The following DPP10 variants were observed in gnomAD, a reference collection of about 807,000 sequenced individuals.
DPP10 encodes the protein dipeptidyl peptidase like 10.
Under a neutral mutation model 120.9 loss-of-function variants are expected in DPP10, and 33 were observed. That is an observed-to-expected ratio of 0.27 (90% CI 0.21 to 0.37). DPP10 has a LOEUF of 0.37. DPP10 is among the 10% of genes least tolerant of loss of function. DPP10 has a pLI of 1.00. For synonymous variants in DPP10, 337 were observed against 326.1 expected (o/e 1.03, Z -0.36); for missense variants, 816 against 942.8 (o/e 0.87, Z 1.76).
chr2:115,392,792 G>A (rs979465594), intron 3 of DPP10, among the ~76,000 whole-genome samples: 3 of 152,006 alleles, frequency 2.0e-5, no homozygotes, highest in African/African-American at 7.2e-5. Context: ...TATATTCATA[G>A]TCATCATTAA....
At chr2:115,659,479 G>T (rs1390715642) in intron 5 of DPP10, among the ~76,000 whole-genome samples, 1 of 151,962 alleles carries the variant, frequency 6.6e-6, no homozygotes, top group Non-Finnish European at 1.5e-5. Flanking sequence ...TAATATATAT[G>T]TGTAAAAAGC....
chr2:115,159,735 C>T (rs1488307382), intron 1 of DPP10, among the ~76,000 whole-genome samples: 3 of 152,140 alleles, frequency 2.0e-5, no homozygotes, highest in Non-Finnish European at 4.4e-5. Context: ...CGCACACATA[C>T]ACACACAGAC....
chr2:115,239,601 A>T (rs1260400281), intron 1 of DPP10, among the ~76,000 whole-genome samples: 1 of 152,152 alleles, frequency 6.6e-6, no homozygotes, highest in East Asian at 1.9e-4. Flanking sequence ...TATAATATAA[A>T]CATAACTTTT....
intron 1 of DPP10, among the ~76,000 whole-genome samples, chr2:115,070,778 A>G (rs1399044521): frequency 2.6e-5 from 4 of 152,210 alleles, no homozygotes; most frequent in African/African-American, 9.6e-5. Flanking sequence ...TATCATTTTA[A>G]TTCACAACAG....
intron 3 of DPP10, among the ~76,000 whole-genome samples, chr2:115,413,385 G>A (rs532243155): frequency 3.5e-4 from 53 of 152,222 alleles, no homozygotes; most frequent in Non-Finnish European, 6.0e-4. Flanking sequence ...ATGAAATTAA[G>A]GGAAGTGAAA....
intron 5 of DPP10, among the ~76,000 whole-genome samples, chr2:115,660,859 A>G (rs114887885): frequency 0.011 from 1,625 of 152,108 alleles, 35 homozygotes; most frequent in African/African-American, 0.038. Flanking sequence ...TTGGATCAAC[A>G]TGAGTTCTGG....
chr2:115,761,504 A>G (rs1680110616), intron 11 of DPP10, among the ~76,000 whole-genome samples: 1 of 152,166 alleles, frequency 6.6e-6, no homozygotes, highest in Non-Finnish European at 1.5e-5. Flanking sequence ...ACAAACAATA[A>G]CAAATGAAGT....
At chr2:115,336,337 G>A (rs1339370908) in intron 2 of DPP10, among the ~76,000 whole-genome samples, 1 of 151,902 alleles carries the variant, frequency 6.6e-6, no homozygotes, top group African/African-American at 2.4e-5. Context: ...TATTGTCAAA[G>A]CTGAACTTTT....
intron 1 of DPP10, among the ~76,000 whole-genome samples, chr2:114,532,256 C>CATATATATATATATATATATAT (rs66716319): frequency 4.6e-5 from 4 of 86,300 alleles, no homozygotes; most frequent in Admixed American, 1.3e-4. Context: ...AATAAATCTC[C>CATATATATATATATATATATAT]ATATATATAT....
At chr2:115,561,876 CT>C (rs2080706443) in intron 5 of DPP10, among the ~76,000 whole-genome samples, 1 of 152,162 alleles carries the variant, frequency 6.6e-6, no homozygotes, top group Non-Finnish European at 1.5e-5. Context: ...AAAACGAACA[CT>C]TCCATGGTGT....
At chr2:114,603,948 G>T (rs2105243274) in intron 1 of DPP10, among the ~76,000 whole-genome samples, 1 of 152,150 alleles carries the variant, frequency 6.6e-6, no homozygotes, top group East Asian at 1.9e-4. Flanking sequence ...AATATAGAAA[G>T]CAGAATTAAC....
intron 1 of DPP10, among the ~76,000 whole-genome samples, chr2:114,794,020 A>C (rs1172946031): frequency 6.6e-6 from 1 of 152,180 alleles, no homozygotes; most frequent in Non-Finnish European, 1.5e-5. Flanking sequence ...TAATTTTTTA[A>C]TGTATCCAAT....
chr2:114,954,733 G>C (rs55743008), intron 1 of DPP10, among the ~76,000 whole-genome samples: 1 of 151,922 alleles, frequency 6.6e-6, no homozygotes, highest in South Asian at 2.1e-4. Context: ...AAAAAATATA[G>C]AGAGAGAAAG....
intron 5 of DPP10, among the ~76,000 whole-genome samples, chr2:115,529,265 G>A (rs567401881): frequency 6.6e-6 from 1 of 151,966 alleles, no homozygotes; most frequent in African/African-American, 2.4e-5. Context: ...CACCTCCCAG[G>A]TTCAAGTGAT....
At chr2:114,959,586 A>G (rs1334438878) in intron 1 of DPP10, among the ~76,000 whole-genome samples, 1 of 152,194 alleles carries the variant, frequency 6.6e-6, no homozygotes, top group Non-Finnish European at 1.5e-5. Flanking sequence ...TTAAATATAT[A>G]CCTAGGAGTG....
chr2:114,700,965 A>C (rs1018067524), intron 1 of DPP10, among the ~76,000 whole-genome samples: 2 of 152,112 alleles, frequency 1.3e-5, no homozygotes, highest in African/African-American at 4.8e-5. Context: ...GATTTTCAGC[A>C]AAGTGACAAT....
chr2:114,712,089 G>T (rs1447776068), intron 1 of DPP10, among the ~76,000 whole-genome samples: 1 of 152,160 alleles, frequency 6.6e-6, no homozygotes, highest in Non-Finnish European at 1.5e-5. Context: ...GGAGGCCAAG[G>T]TGGGCGGATC....
intron 1 of DPP10, among the ~76,000 whole-genome samples, chr2:114,876,917 C>T (rs1438071141): frequency 6.6e-6 from 1 of 151,902 alleles, no homozygotes; most frequent in African/African-American, 2.4e-5. Context: ...AGTGTCACGA[C>T]TTTTCCTTTC....
At chr2:115,228,579 A>ATT (rs780185819) in intron 1 of DPP10, among the ~76,000 whole-genome samples, 4 of 151,424 alleles carry the variant, frequency 2.6e-5, no homozygotes, top group African/African-American at 4.9e-5. Flanking sequence ...TGTAAGCTCA[A>ATT]TTTTTTTTTA....
Sources: gnomAD v4.1 joint callset for allele counts (sites outside exome capture counted in the v4.1 genomes callset) on GRCh38, gnomAD v4.1.1 for gene constraint, MANE v1.5 for transcripts, NCBI Gene and HGNC (gene_info 2026-07-23, HGNC 2026-07-21) for gene names.